PSD: variants seen among roughly 807,000 people sequenced by gnomAD.
The protein encoded by PSD is PH and SEC7 domain-containing protein 1.
PSD carries 32 observed loss-of-function variants against 91.6 expected under a neutral mutation model. That is an observed-to-expected ratio of 0.35 (90% confidence interval 0.26 to 0.47). The LOEUF is 0.47. Among genes scored for constraint, PSD ranks in the 20% least tolerant of loss-of-function variants. The pLI is 1.00. For synonymous variants in PSD, 532 were observed against 569.3 expected, an observed-to-expected ratio of 0.93 and a Z score of 0.93; for missense variants, 1,099 against 1,373.9, an observed-to-expected ratio of 0.80 and a Z score of 3.16.
Position 102,416,855 on chromosome 10 carries a change from G to T in PSD, c.184C>A (p.Arg62Ser), listed in dbSNP as rs754453263. 6.2e-7 allele frequency: 1 copy of T among 1,600,194 alleles called. No individual in the cohort carries two copies. The highest frequency in any genetic ancestry group is 1.3e-5 in the African/African-American group (1 of 74,784). ...GPGPRGRELG[R>S]VTAPCTPLRG... ...AGAGGTGTACAGGGTGCTGTCACAC[G>T]TCCCAGTTCCCGGCCTCGAGGACCT... The change falls in exon 2 of 17, where the codon CGT (arginine) becomes AGT (serine). Residue 62 changes from arginine to serine, a missense_variant. Physicochemically the swap from Arg to Ser is moderately radical, Grantham distance 110. Coordinates refer to ENST00000020673, the MANE Select transcript of PSD (RefSeq NM_002779.5). The surrounding 1 kb of genome is among the most constrained non-coding windows in gnomAD (Gnocchi z 6.0).
At position 102,415,141 on chromosome 10, in the gene PSD, C is replaced by G; in HGVS notation, c.846G>C (p.Lys282Asn). Residue 282 changes from lysine to asparagine, a missense_variant, in exon 4 of 17, where the codon AAG (lysine) becomes AAC (asparagine). Transcript: ENST00000020673. ...GSGVAVGRAA[K>N]YSETDLDTVP... ...CCGTGTCCAGGTCTGTCTCGGAGTA[C>G]TTGGCTGCTCGCCCCACAGCCACCC... The G allele has an allele frequency of 6.2e-7, 1 of 1,613,628 alleles. No individual in the cohort carries two copies.
rs1315657393 is a variant in PSD at position 102,409,691 on chromosome 10, G to A, written c.2091+1167C>T. 6.6e-6 allele frequency among the ~76,000 whole-genome samples: 1 copy of A among 152,040 alleles called. No individual in the cohort carries two copies. Among genetic ancestry groups the A allele is most frequent in the Non-Finnish European group, 1.5e-5 (1 of 68,000 alleles). ...GATCTGAAGTCACGTAACACACCTC[G>A]ATTCTGACATACACCCCAACAAACC... is the stretch of plus-strand genomic sequence containing the variant. On this transcript the variant is annotated intron_variant, in intron 10 of 16. Coordinates refer to ENST00000020673, the MANE Select transcript of PSD (RefSeq NM_002779.5). The surrounding 1 kb of genome is among the most constrained non-coding windows in gnomAD (Gnocchi z 5.7).
chr10:102,407,123 C>CCCCACCCCCCCCCCAGG, intron 11 of PSD, 100 bp downstream of exon 11: 1 of 1,123,004 alleles, frequency 8.9e-7, no homozygotes, highest in Non-Finnish European at 1.2e-6. Context: ...CACTCCCCTC[C>CCCCACCCCCCCCCCAGG]CCTACCCCCA....
chr10:102,419,359 A>C (rs900298552), upstream of PSD: 3 of 152,780 alleles, frequency 2.0e-5, no homozygotes, highest in Non-Finnish European at 4.4e-5. This position sits in a 1 kb window ranked among gnomAD's most constrained non-coding sequence, Gnocchi z 4.8. Flanking sequence ...GTTAAATCAG[A>C]CTTCAGGAAG....
chr10:102,414,269 C>T lies in PSD; in HGVS notation c.1125-72G>A, dbSNP rs1333918125. On this transcript the variant is annotated intron_variant, in intron 4 of 16. Transcript: ENST00000020673. The surrounding 1 kb of genome is among the most constrained non-coding windows in gnomAD (Gnocchi z 5.6). ...CTGGGGCAGGATTTCACTGAACTCT[C>T]ACACTGACTCTGCTAAGGGGATTAT... is the stretch of plus-strand genomic sequence containing the variant. The T allele has an allele frequency of 1.5e-6, 2 of 1,332,106 alleles. No individual in the cohort carries two copies. Among genetic ancestry groups the T allele is most frequent in the African/African-American group, 1.5e-5 (1 of 67,950 alleles). The allele number at this position is 1,332,106 out of a possible 1,614,324, so 82.5% of individuals were successfully genotyped here.
chr10:102,417,846 T>C (rs1162158714), intron 1 of PSD, among the ~76,000 whole-genome samples: 1 of 151,926 alleles, frequency 6.6e-6, no homozygotes, highest in Non-Finnish European at 1.5e-5. Flanking sequence ...ATAGCTTGGA[T>C]TACAGGCGCT....
intron 5 of PSD, among the ~76,000 whole-genome samples, 184 bp downstream of exon 5, chr10:102,413,585 G>A (rs2061444935): frequency 6.6e-6 from 1 of 151,984 alleles, no homozygotes; most frequent in Non-Finnish European, 1.5e-5. Context: ...TGCTGTGAGG[G>A]ACTCTCCCTC....
At chr10:102,418,834 C>T (rs939121227), upstream of PSD, 8 of 396,300 alleles carry the variant, frequency 2.0e-5, no homozygotes, top group Non-Finnish European at 3.1e-5. Context: ...CCCTACGCGC[C>T]GCTCAGGCAA....
At chr10:102,417,311 C>T (rs1444418886) in intron 1 of PSD, among the ~76,000 whole-genome samples, 190 bp from the exon 2 acceptor site, 6 of 152,110 alleles carry the variant, frequency 3.9e-5, no homozygotes, top group Admixed American at 3.9e-4. Context: ...AAGACTTATA[C>T]ACCCAGTGGG....
At chr10:102,419,844 G>T (rs1012197312), upstream of PSD, 13 of 204,016 alleles carry the variant, frequency 6.4e-5, no homozygotes, top group Non-Finnish European at 1.4e-4. The surrounding 1 kb of genome is among the most constrained non-coding windows in gnomAD (Gnocchi z 4.8). Context: ...CCCTAAGCAG[G>T]CTGAGGAAGA....
Position 102,410,961 on chromosome 10 carries a change from C to T in PSD, c.2002-14G>A. ...CTTCCCGATGTTCTAAGGAAGGGAACGGAGGCCTGTGAGTTTGGAGGGCCC... is the reference window on the plus strand; with the variant it reads ...CTTCCCGATGTTCTAAGGAAGGGAATGGAGGCCTGTGAGTTTGGAGGGCCC... On this transcript the variant is annotated splice_polypyrimidine_tract_variant and intron_variant, in intron 9 of 16. Transcript: ENST00000020673. This position sits in a 1 kb window ranked among gnomAD's most constrained non-coding sequence, Gnocchi z 6.0. The T allele has an allele frequency of 2.5e-6, 4 of 1,612,570 alleles. No individual in the cohort carries two copies. The highest frequency in any genetic ancestry group is 3.4e-6 in the Non-Finnish European group (4 of 1,178,582).
At chr10:102,418,859 AC>A (rs1230054602), upstream of PSD, 1 of 223,052 alleles carries the variant, frequency 4.5e-6, no homozygotes, top group East Asian at 1.5e-4. Context: ...AATCCCCCCC[AC>A]CCCCCGCCCT....
intron 1 of PSD, among the ~76,000 whole-genome samples, chr10:102,418,211 ACTCT>A (rs2061508224): frequency 6.6e-6 from 1 of 151,362 alleles, no homozygotes; most frequent in Non-Finnish European, 1.5e-5. Flanking sequence ...ACCCTCATGC[ACTCT>A]CACAGTCATA....
chr10:102,412,371 G>C lies in PSD; in HGVS notation c.1748+10C>G. 6.2e-7 allele frequency: 1 copy of C among 1,613,224 alleles called. No homozygotes were observed. Among genetic ancestry groups the C allele is most frequent in the Non-Finnish European group, 8.5e-7 (1 of 1,179,218 alleles). ...TGCCCCCATCCTCAGTCCCAGCCTA[G>C]TGGCTTTACTTCTTGCCCAGGTGCC... On this transcript the variant is annotated intron_variant, in intron 6 of 16. Transcript: ENST00000020673.
chr10:102,414,764 C>T lies in PSD; in HGVS notation c.1124+99G>A. ...ACTGCCCCGCCAGCCCCACACCCAT[C>T]TCTATCCCAGGCCCTTTGAGCCCGG... On this transcript the variant is annotated intron_variant, in intron 4 of 16. Coordinates refer to ENST00000020673, the MANE Select transcript of PSD (RefSeq NM_002779.5). This position sits in a 1 kb window ranked among gnomAD's most constrained non-coding sequence, Gnocchi z 5.6. 1 of 1,434,758 alleles carries T rather than the reference C, an allele frequency of 7.0e-7. No homozygotes were observed. Among genetic ancestry groups the T allele is most frequent in the Non-Finnish European group, 9.2e-7 (1 of 1,086,090 alleles). 88.9% of individuals were successfully genotyped at this position (1,434,758 alleles called of 1,614,324 possible). A position where few individuals can be genotyped will look rare whatever the true frequency, so the allele number is the denominator to read the frequency against.
chr10:102,415,043 A>T lies in PSD; in HGVS notation c.944T>A (p.Ile315Asn). The stretch of plus-strand genomic sequence containing the variant: ...GCCCTCAGAGCTGGGCTGACTTTCG[A>T]TGGCCGAGTCGGCCTCCTCCCGCTC... Reference protein sequence around the residue: ...LAEREEADSAIESQPSSEGPP... With the variant: ...LAEREEADSANESQPSSEGPP... The change falls in exon 4 of 17, where the codon ATC becomes AAC. Residue 315 changes from isoleucine to asparagine, a missense_variant. Ile to Asn is a moderately radical substitution (Grantham distance 149). Transcript: ENST00000020673. The T allele has an allele frequency of 6.2e-7, 1 of 1,613,832 alleles. No homozygotes were observed. Among genetic ancestry groups the T allele is most frequent in the Non-Finnish European group, 8.5e-7 (1 of 1,179,886 alleles).
At position 102,403,130 on chromosome 10, in the gene PSD, G is replaced by A. The variant is rs988800472; in HGVS notation, c.*70C>T. On this transcript the variant is annotated 3_prime_UTR_variant, in exon 17 of 17. Transcript: ENST00000020673. This position sits in a 1 kb window ranked among gnomAD's most constrained non-coding sequence, Gnocchi z 6.7. ...AGGCCCTCGTGGGTGGCCCGAGGCC[G>A]GCCCGGGCTCAGGCAGGGCCATGTC... The A allele has an allele frequency of 3.0e-5, 39 of 1,292,080 alleles. No homozygotes were observed. The highest frequency in any genetic ancestry group is 8.4e-5 in the South Asian group (5 of 59,684). 80.0% of individuals were successfully genotyped at this position (1,292,080 alleles called of 1,614,324 possible). A position where few individuals can be genotyped will look rare whatever the true frequency, so the allele number is the denominator to read the frequency against.
Position 102,405,421 on chromosome 10 carries a change from G to C in PSD, c.2251C>G (p.Pro751Ala). Residue 751 changes from proline (P) to alanine (A), a missense_variant, in exon 12 of 17, where the codon CCC becomes GCC. Around this residue, in one of 3 missense-constraint regions of PSD, gnomAD observed 358 missense variants for 426.5 expected, o/e 0.84. Transcript: ENST00000020673. This position sits in a 1 kb window ranked among gnomAD's most constrained non-coding sequence, Gnocchi z 5.4. Reference sequence around the variant, plus strand: ...TTGTAGACGGCAGCCCCAGGCTCGGGAGTCAGGTCCAGGAAAGGGCTGGAG... The same window carrying C: ...TTGTAGACGGCAGCCCCAGGCTCGGCAGTCAGGTCCAGGAAAGGGCTGGAG... ...SGSSPFLDLT[P>A]EPGAAVYKHG... The C allele has an allele frequency of 6.2e-7, 1 of 1,613,604 alleles. No homozygotes were observed. The highest frequency in any genetic ancestry group is 8.5e-7 in the Non-Finnish European group (1 of 1,179,890).
rs571000278 is a variant in PSD at position 102,410,245 on chromosome 10, C to G, written c.2091+613G>C. On this transcript the variant is annotated intron_variant, in intron 10 of 16. Coordinates refer to ENST00000020673, the MANE Select transcript of PSD (RefSeq NM_002779.5). The surrounding 1 kb of genome is among the most constrained non-coding windows in gnomAD (Gnocchi z 6.0). ...TGGATGAGCCACTCCCTTCTCCTACCGGCACCAGCCCCTACGTATCTGAGC... is the reference window on the plus strand; with the variant it reads ...TGGATGAGCCACTCCCTTCTCCTACGGGCACCAGCCCCTACGTATCTGAGC... Among the ~76,000 whole-genome samples, 1 of 152,208 alleles carries G rather than the reference C, an allele frequency of 6.6e-6. No homozygotes were observed. Among genetic ancestry groups the G allele is most frequent in the Admixed American group, 6.5e-5 (1 of 15,284 alleles).
Sources: allele counts gnomAD v4.1 joint callset (sites outside exome capture counted in the v4.1 genomes callset), GRCh38; gene constraint gnomAD v4.1.1; regional missense constraint gnomAD v4.1.1; non-coding constraint Gnocchi (gnomAD v3.1); transcripts MANE v1.5; gene names NCBI Gene and HGNC (gene_info 2026-07-23, HGNC 2026-07-21).